Variants in AMBRA1 observed in about 807,000 individuals in gnomAD.
AMBRA1 encodes activating molecule in BECN1-regulated autophagy protein 1.
A neutral mutation model predicts 125.4 loss-of-function variants in AMBRA1; 47 were observed. That is an observed-to-expected ratio of 0.37 (90% CI 0.30 to 0.48). The LOEUF is 0.48. Ranked by LOEUF, AMBRA1 falls within the 20% of genes least tolerant of loss-of-function variation. AMBRA1 has a pLI of 0.99. For synonymous variants in AMBRA1, 626 were observed against 655.5 expected (o/e 0.95, Z 0.69); for missense variants, 1,331 against 1,693.4 (o/e 0.79, Z 3.76).
At position 46,567,482 on chromosome 11, in the gene AMBRA1, CA is replaced by C. The variant is rs940740954; in HGVS notation, c.-120-18983del. Among the ~76,000 whole-genome samples the C allele has an allele frequency of 2.0e-5, 3 of 152,128 alleles. No individual in the cohort carries two copies. The East Asian group carries it at 5.8e-4, about 29-fold the overall frequency. Reference sequence around the variant, plus strand: ...CCCGAGTTCAAGCAGTCCTCTGGCTCAACCTTTCAAATAGCTGGGAGTACAT... The same window carrying C: ...CCCGAGTTCAAGCAGTCCTCTGGCTCACCTTTCAAATAGCTGGGAGTACAT... On this transcript the variant is annotated intron_variant, in intron 1 of 17. Transcript: ENST00000683756.
At chr11:46,508,511 A>T (rs992934240) in intron 8 of AMBRA1, 141 bp from the exon 9 acceptor site, 2 of 785,262 alleles carry the variant, frequency 2.5e-6, no homozygotes, top group Non-Finnish European at 2.0e-6. Context: ...ATTTAACTCA[A>T]CTCACCAGGA....
intron 11 of AMBRA1, among the ~76,000 whole-genome samples, chr11:46,468,843 A>G (rs550406896): frequency 9.3e-5 from 14 of 150,096 alleles, no homozygotes; most frequent in African/African-American, 3.2e-4. Flanking sequence ...AAAGAAAAAG[A>G]GAGAAAGAAA....
intron 1 of AMBRA1, among the ~76,000 whole-genome samples, chr11:46,560,460 G>C (rs748429009): frequency 1.6e-4 from 25 of 152,174 alleles, no homozygotes; most frequent in Non-Finnish European, 3.2e-4. Flanking sequence ...GCTGCCTAAT[G>C]TCTGAAACAC....
rs1339622653 is a variant in AMBRA1 at position 46,547,706 on chromosome 11, C to G, written c.194+111G>C. 2.9e-6 allele frequency: 3 copies of G among 1,047,442 alleles called. No homozygotes were observed. In the African/African-American group the frequency reaches 4.8e-5, roughly 17 times the overall value. 64.9% of individuals were successfully genotyped at this position (1,047,442 alleles called of 1,614,324 possible). A position where few individuals can be genotyped will look rare whatever the true frequency, so the allele number is the denominator to read the frequency against. On this transcript the variant is annotated intron_variant, in intron 3 of 17. Transcript: ENST00000683756. Reference sequence around the variant, plus strand: ...TCCGACACGGGGCCAAAGTGCTGTTCATACAGTACTTCAGAGAGACTTTAG... The same window carrying G: ...TCCGACACGGGGCCAAAGTGCTGTTGATACAGTACTTCAGAGAGACTTTAG...
chr11:46,570,806 T>C (rs181429263), intron 1 of AMBRA1, among the ~76,000 whole-genome samples: 1 of 152,312 alleles, frequency 6.6e-6, no homozygotes, highest in Admixed American at 6.5e-5. Context: ...AGTCATTTTC[T>C]AAATACATCT....
chr11:46,467,933 T>C (rs1022495390), intron 11 of AMBRA1, among the ~76,000 whole-genome samples: 2 of 152,178 alleles, frequency 1.3e-5, no homozygotes, highest in Admixed American at 1.3e-4. Flanking sequence ...ATTTCTGGCA[T>C]GGGAAGATTA....
intron 11 of AMBRA1, among the ~76,000 whole-genome samples, chr11:46,469,179 TTTAG>T (rs1348658258): frequency 2.0e-5 from 3 of 152,266 alleles, no homozygotes; most frequent in African/African-American, 4.8e-5. Context: ...AAATATTAGA[TTTAG>T]TTAGTTTAGG....
At chr11:46,440,098 A>G (rs1947930209) in intron 12 of AMBRA1, among the ~76,000 whole-genome samples, 1 of 152,220 alleles carries the variant, frequency 6.6e-6, no homozygotes, top group South Asian at 2.1e-4. Context: ...CCATTTCTAG[A>G]AATGTATCCT....
chr11:46,459,739 TACACACACACACACAC>T (rs56374939), intron 11 of AMBRA1, among the ~76,000 whole-genome samples: 10 of 110,240 alleles, frequency 9.1e-5, no homozygotes, highest in South Asian at 2.9e-4. Context: ...AAAATACACA[TACACACACACACACAC>T]ACACACACAC....
chr11:46,467,501 A>G (rs1590881068), intron 11 of AMBRA1, among the ~76,000 whole-genome samples: 2 of 151,264 alleles, frequency 1.3e-5, no homozygotes, highest in East Asian at 3.9e-4. Context: ...TCTTTTTACA[A>G]TGAATATATA....
At chr11:46,504,872 C>T (rs1950974181) in intron 9 of AMBRA1, among the ~76,000 whole-genome samples, 1 of 152,188 alleles carries the variant, frequency 6.6e-6, no homozygotes, top group African/African-American at 2.4e-5. Flanking sequence ...GTCCTCTAAC[C>T]TTAGACATAT....
intron 11 of AMBRA1, among the ~76,000 whole-genome samples, chr11:46,447,489 C>T (rs536411814): frequency 3.3e-4 from 50 of 152,088 alleles, no homozygotes; most frequent in Middle Eastern, 3.4e-3. Context: ...GAGATGAGAT[C>T]GCACCACCAC....
At chr11:46,483,487 G>T (rs1380881917) in intron 11 of AMBRA1, among the ~76,000 whole-genome samples, 12 of 152,198 alleles carry the variant, frequency 7.9e-5, no homozygotes, top group Admixed American at 7.9e-4. Context: ...GGTAGAAAAG[G>T]TAAGAGGTGA....
chr11:46,496,215 A>G (rs1950624851), intron 9 of AMBRA1, among the ~76,000 whole-genome samples: 1 of 147,432 alleles, frequency 6.8e-6, no homozygotes, highest in African/African-American at 2.5e-5. Context: ...CTCTACTAAG[A>G]AAAAAAAAAA....
At chr11:46,452,362 T>C (rs1002578192) in intron 11 of AMBRA1, among the ~76,000 whole-genome samples, 3 of 152,102 alleles carry the variant, frequency 2.0e-5, no homozygotes, top group Admixed American at 2.0e-4. Flanking sequence ...TTGTTGTTTG[T>C]TTTTTAGATG....
At chr11:46,526,112 G>C (rs555563494) in intron 7 of AMBRA1, among the ~76,000 whole-genome samples, 10 of 152,194 alleles carry the variant, frequency 6.6e-5, no homozygotes, top group African/African-American at 2.4e-4. Flanking sequence ...GGCTGAGGCA[G>C]GAGAATCACT....
chr11:46,511,646 C>T (rs1045761941), intron 8 of AMBRA1, among the ~76,000 whole-genome samples: 6 of 152,144 alleles, frequency 3.9e-5, no homozygotes, highest in Non-Finnish European at 8.8e-5. Context: ...CTAATGTGCT[C>T]TAGTATTGCT....
At chr11:46,512,892 A>T in intron 7 of AMBRA1, 79 bp from the exon 8 acceptor site, 1 of 1,358,330 alleles carries the variant, frequency 7.4e-7, no homozygotes, top group South Asian at 1.3e-5. Context: ...AATGAGGGAG[A>T]GATATATAAC....
chr11:46,546,886 C>A (rs1953044831), intron 4 of AMBRA1, among the ~76,000 whole-genome samples: 1 of 152,008 alleles, frequency 6.6e-6, no homozygotes, highest in Non-Finnish European at 1.5e-5. Context: ...GCCTGGCCAA[C>A]ATAGTGAATC....
Sources: gnomAD v4.1 joint callset for allele counts (sites outside exome capture counted in the v4.1 genomes callset) on GRCh38, gnomAD v4.1.1 for gene constraint, MANE v1.5 for transcripts, NCBI Gene and HGNC (gene_info 2026-07-23, HGNC 2026-07-21) for gene names.